Variants in AOAH observed in about 807,000 individuals in gnomAD.
The protein encoded by AOAH is acyloxyacyl hydrolase (neutrophil).
Under a neutral mutation model 92.2 loss-of-function variants are expected in AOAH, and 64 were observed. The observed-to-expected ratio is 0.69, with a 90% CI of 0.57 to 0.86. The LOEUF is 0.86. AOAH is among the 40% of genes least tolerant of loss of function. The pLI is 0.00. For missense variants in AOAH, 656 were observed against 694.6 expected, an observed-to-expected ratio of 0.94 and a Z score of 0.62; for synonymous variants, 263 against 254.5, an observed-to-expected ratio of 1.03 and a Z score of -0.32.
intron 2 of AOAH, among the ~76,000 whole-genome samples, chr7:36,686,229 T>C (rs1797000717): frequency 3.3e-5 from 5 of 152,370 alleles, no homozygotes; most frequent in Admixed American, 1.3e-4. Flanking sequence ...TGAAATGTTC[T>C]AGATTATTTT....
intron 1 of AOAH, among the ~76,000 whole-genome samples, chr7:36,722,623 A>T (rs990211793): frequency 6.6e-6 from 1 of 152,048 alleles, no homozygotes; most frequent in Non-Finnish European, 1.5e-5. Context: ...GTCTTGGGGA[A>T]TCTGGGTCTT....
rs1209927123 is a variant in AOAH at position 36,556,720 on chromosome 7, TC to T, written c.1022-7246del. The stretch of plus-strand genomic sequence containing the variant: ...TAGTTAGCTCTTCTTGTTGAATTGA[TC>T]CCTTTACCATTATGTAATGGCCTTC... On this transcript the variant is annotated intron_variant, in intron 13 of 20. Coordinates refer to ENST00000617537, the MANE Select transcript of AOAH (RefSeq NM_001637.4). Among the ~76,000 whole-genome samples, 219 of 136,912 alleles carry T rather than the reference TC, an allele frequency of 1.6e-3. 6 individuals carry two copies. In the South Asian group the frequency reaches 0.056, roughly 35 times the overall value. 89.8% of individuals were successfully genotyped at this position (136,912 alleles called of 152,430 possible).
At chr7:36,644,435 G>GAATAAATAA (rs1254175724) in intron 4 of AOAH, among the ~76,000 whole-genome samples, 1 of 152,130 alleles carries the variant, frequency 6.6e-6, no homozygotes, top group Admixed American at 6.5e-5. Flanking sequence ...GGGCCGCTTT[G>GAATAAATAA]TGGGAATAAA....
chr7:36,594,932 C>T (rs1790000304), intron 11 of AOAH, among the ~76,000 whole-genome samples: 1 of 152,036 alleles, frequency 6.6e-6, no homozygotes, highest in South Asian at 2.1e-4. Context: ...ATTGTGGTTC[C>T]TTTCCCCACA....
chr7:36,532,769 G>A (rs1784775694), intron 16 of AOAH, among the ~76,000 whole-genome samples: 1 of 152,168 alleles, frequency 6.6e-6, no homozygotes, highest in African/African-American at 2.4e-5. Flanking sequence ...GGTGGCGGTT[G>A]ACCTAATCCC....
intron 20 of AOAH, chr7:36,514,663 A>G (rs1790235522): frequency 9.4e-7 from 1 of 1,069,214 alleles, no homozygotes; most frequent in Non-Finnish European, 1.4e-6. Context: ...CCATCTCAAC[A>G]GTGGTTTTCA....
chr7:36,705,673 C>A (rs1798357012), intron 1 of AOAH, among the ~76,000 whole-genome samples: 1 of 152,140 alleles, frequency 6.6e-6, no homozygotes, highest in Non-Finnish European at 1.5e-5. Flanking sequence ...GCCCGTATAT[C>A]CAAGACAATC....
Position 36,517,212 on chromosome 7 carries a change from T to TTCTTTCTTTC in AOAH, c.1600-3833_1600-3832insGAAAGAAAGA, listed in dbSNP as rs1474223898. Reference sequence around the variant, plus strand: ...TTTCTTTCTTTCTTTCTTTCTTTCTTTCTCTTTCTTTCTGTCTCTCTCTCT... The same window carrying TTCTTTCTTTC: ...TTTCTTTCTTTCTTTCTTTCTTTCTTTCTTTCTTTCTCTCTTTCTTTCTGTCTCTCTCTCT... On this transcript the variant is annotated intron_variant, in intron 20 of 20. Transcript: ENST00000617537. Among the ~76,000 whole-genome samples the TTCTTTCTTTC allele has an allele frequency of 2.3e-3, 49 of 21,156 alleles. 4 individuals are homozygous for TTCTTTCTTTC. The highest frequency in any genetic ancestry group is 4.7e-3 in the African/African-American group (44 of 9,352). The allele number at this position is 21,156 out of a possible 152,430, so 13.9% of individuals were successfully genotyped here.
chr7:36,629,429 C>T (rs182784744), intron 6 of AOAH, among the ~76,000 whole-genome samples: 135 of 151,976 alleles, frequency 8.9e-4, no homozygotes, highest in African/African-American at 3.1e-3. Flanking sequence ...GCAGGGGGCT[C>T]GATTTAATGG....
intron 1 of AOAH, among the ~76,000 whole-genome samples, chr7:36,702,779 G>C (rs1272413440): frequency 6.6e-6 from 1 of 152,172 alleles, no homozygotes; most frequent in African/African-American, 2.4e-5. Context: ...GGTGGTTGCT[G>C]AAGGTAGGGG....
At chr7:36,513,485 C>T in intron 20 of AOAH, 105 bp from the exon 21 acceptor site, 1 of 1,075,688 alleles carries the variant, frequency 9.3e-7, no homozygotes, top group Non-Finnish European at 1.4e-6. Context: ...CTAGGATGGC[C>T]CCATGACTCC....
intron 12 of AOAH, among the ~76,000 whole-genome samples, chr7:36,591,388 G>C (rs1421520747): frequency 1.3e-5 from 2 of 152,128 alleles, no homozygotes; most frequent in Non-Finnish European, 2.9e-5. Flanking sequence ...ATAGAGAACC[G>C]AATATAAAAA....
At chr7:36,600,622 G>A (rs1255882762) in intron 11 of AOAH, among the ~76,000 whole-genome samples, 2 of 152,098 alleles carry the variant, frequency 1.3e-5, no homozygotes, top group African/African-American at 4.8e-5. Flanking sequence ...CCAGGTTCTG[G>A]TGGAACAAGA....
Position 36,619,870 on chromosome 7 carries a change from C to T in AOAH, c.702+911G>A, listed in dbSNP as rs532516898. On this transcript the variant is annotated intron_variant, in intron 9 of 20. Coordinates refer to ENST00000617537, the MANE Select transcript of AOAH (RefSeq NM_001637.4). ...GTGTGAAAATAATTGCAGTTTTTGC[C>T]GTTAATTACAAAAACTGCAATTACT... Among the ~76,000 whole-genome samples, 42 of 152,106 alleles carry T rather than the reference C, an allele frequency of 2.8e-4. 1 individual carries two copies. The highest frequency in any genetic ancestry group is 6.2e-4 in the South Asian group (3 of 4,810).
chr7:36,537,622 G>A (rs1169465046), intron 16 of AOAH, among the ~76,000 whole-genome samples: 1 of 151,554 alleles, frequency 6.6e-6, no homozygotes, highest in Admixed American at 6.6e-5. Flanking sequence ...GGGTTCAAGC[G>A]ATTCTCTTGC....
chr7:36,629,075 T>C (rs1448503811), intron 6 of AOAH, among the ~76,000 whole-genome samples: 1 of 152,216 alleles, frequency 6.6e-6, no homozygotes, highest in Non-Finnish European at 1.5e-5. Context: ...CTTTTACTTA[T>C]CAATATTTTT....
chr7:36,642,144 A>G (rs1160885661), intron 4 of AOAH, among the ~76,000 whole-genome samples: 2 of 151,970 alleles, frequency 1.3e-5, no homozygotes, highest in Non-Finnish European at 2.9e-5. Context: ...TGCAGGTGTA[A>G]TTATTAGGTT....
intron 4 of AOAH, among the ~76,000 whole-genome samples, chr7:36,640,182 C>G (rs367971026): frequency 1.3e-5 from 2 of 151,768 alleles, no homozygotes; most frequent in Non-Finnish European, 2.9e-5. Context: ...GAGGGGGAGT[C>G]GAAGCGTCCA....
chr7:36,565,069 C>T lies in AOAH; in HGVS notation c.1021+11505G>A, dbSNP rs1435938645. Among the ~76,000 whole-genome samples, 4 of 152,126 alleles carry T rather than the reference C, an allele frequency of 2.6e-5. No individual in the cohort carries two copies. In the East Asian group the frequency reaches 7.7e-4, roughly 29 times the overall value. On this transcript the variant is annotated intron_variant, in intron 13 of 20. Transcript: ENST00000617537. ...CTTTTAAAAGTTTCTAGTGATTAAACACTGTATCTTGGAGATGCATTTTGT... is the reference window on the plus strand; with the variant it reads ...CTTTTAAAAGTTTCTAGTGATTAAATACTGTATCTTGGAGATGCATTTTGT...
Sources: allele counts gnomAD v4.1 joint callset (sites outside exome capture counted in the v4.1 genomes callset), GRCh38; gene constraint gnomAD v4.1.1; transcripts MANE v1.5; gene names NCBI Gene and HGNC (gene_info 2026-07-23, HGNC 2026-07-21).